Variants in QTMAN observed in about 807,000 individuals in gnomAD.
The protein encoded by QTMAN is queuosine-tRNA mannosyltransferase.
chr2:143,998,760 C>T, the QTMAN span, among the ~76,000 whole-genome samples: 3 of 152,020 alleles, frequency 2.0e-5, no homozygotes, highest in Admixed American at 1.3e-4. Flanking sequence ...TTCTTCCTAA[C>T]CATTACCACT....
At chr2:144,044,685 A>C in the QTMAN span, among the ~76,000 whole-genome samples, 1 of 152,224 alleles carries the variant, frequency 6.6e-6, no homozygotes, top group Non-Finnish European at 1.5e-5. Flanking sequence ...GCATTAGAAA[A>C]CATACCATAT....
At chr2:144,009,554 A>G in the QTMAN span, among the ~76,000 whole-genome samples, 14 of 152,098 alleles carry the variant, frequency 9.2e-5, no homozygotes, top group African/African-American at 3.4e-4. Context: ...TCTAATTTCA[A>G]ATGCCTTGAG....
the QTMAN span, among the ~76,000 whole-genome samples, chr2:144,328,311 T>C: frequency 6.6e-6 from 1 of 152,234 alleles, no homozygotes; most frequent in African/African-American, 2.4e-5. Context: ...TGTGTGATCC[T>C]ACACAGCATA....
At chr2:143,974,819 A>AT in the QTMAN span, among the ~76,000 whole-genome samples, 1 of 152,036 alleles carries the variant, frequency 6.6e-6, no homozygotes, top group Non-Finnish European at 1.5e-5. Context: ...AAATTACTAG[A>AT]TTTTTTTGCT....
the QTMAN span, among the ~76,000 whole-genome samples, chr2:144,298,297 C>T: frequency 6.6e-6 from 1 of 152,082 alleles, no homozygotes; most frequent in South Asian, 2.1e-4. Context: ...GATTTACAGG[C>T]GTGAGCCACC....
At chr2:144,142,054 G>T in the QTMAN span, 2 of 1,607,380 alleles carry the variant, frequency 1.2e-6, no homozygotes, top group Non-Finnish European at 1.7e-6. Flanking sequence ...TCAGCCACCA[G>T]GCTGTAAAGG....
At chr2:143,939,077 A>C in the QTMAN span, 1 of 152,216 alleles carries the variant, frequency 6.6e-6, no homozygotes, top group Non-Finnish European at 1.5e-5. Context: ...CCTATTTAGG[A>C]ACACTTTAAA....
chr2:144,138,701 A>G, the QTMAN span, among the ~76,000 whole-genome samples: 1 of 152,074 alleles, frequency 6.6e-6, no homozygotes, highest in South Asian at 2.1e-4. Flanking sequence ...TGGACCTGGT[A>G]GTATCAATAA....
At chr2:144,089,452 C>T in the QTMAN span, among the ~76,000 whole-genome samples, 1 of 151,862 alleles carries the variant, frequency 6.6e-6, no homozygotes, top group Non-Finnish European at 1.5e-5. Flanking sequence ...AGGTATCTAC[C>T]TAGAGTAAAA....
At chr2:144,197,788 T>C in the QTMAN span, among the ~76,000 whole-genome samples, 12 of 152,334 alleles carry the variant, frequency 7.9e-5, no homozygotes, top group Admixed American at 1.3e-4. Flanking sequence ...TAGAATCCAA[T>C]GATCATCTCC....
the QTMAN span, among the ~76,000 whole-genome samples, chr2:144,099,478 A>T: frequency 6.6e-6 from 1 of 152,228 alleles, no homozygotes; most frequent in Non-Finnish European, 1.5e-5. Flanking sequence ...TAACGAAAGG[A>T]CTAGGGTATG....
At chr2:144,177,735 T>C in the QTMAN span, among the ~76,000 whole-genome samples, 2 of 152,188 alleles carry the variant, frequency 1.3e-5, no homozygotes, top group Admixed American at 1.3e-4. Context: ...ATGTCATAGC[T>C]TGCTATCCAA....
chr2:143,979,982 T>G, the QTMAN span, among the ~76,000 whole-genome samples: 10 of 152,188 alleles, frequency 6.6e-5, no homozygotes, highest in Admixed American at 1.3e-4. Flanking sequence ...CCTCTGGAAC[T>G]AATCCATTTT....
At chr2:144,319,176 CTT>C in the QTMAN span, among the ~76,000 whole-genome samples, 2 of 152,122 alleles carry the variant, frequency 1.3e-5, no homozygotes, top group Non-Finnish European at 2.9e-5. Flanking sequence ...CAGTGTGACT[CTT>C]TACTATTGAA....
At chr2:144,182,886 TTA>T in the QTMAN span, among the ~76,000 whole-genome samples, 1,709 of 76,954 alleles carry the variant, frequency 0.022, 65 homozygotes, top group African/African-American at 0.075. Flanking sequence ...TATATATATT[TTA>T]TATATATATA....
At chr2:143,947,143 G>C in the QTMAN span, 1 of 1,592,072 alleles carries the variant, frequency 6.3e-7, no homozygotes, top group Non-Finnish European at 8.6e-7. Context: ...ACCCTGCAAC[G>C]AGGAGGAGGG....
the QTMAN span, among the ~76,000 whole-genome samples, chr2:143,960,425 C>T: frequency 6.6e-6 from 1 of 151,918 alleles, no homozygotes; most frequent in African/African-American, 2.4e-5. Context: ...GGCTACAGTC[C>T]AGGATATAAT....
chr2:143,986,060 C>A, the QTMAN span, among the ~76,000 whole-genome samples: 2 of 152,104 alleles, frequency 1.3e-5, no homozygotes, highest in Non-Finnish European at 2.9e-5. Context: ...AGTAATAAAT[C>A]CACACCAACT....
At chr2:144,088,844 A>G in the QTMAN span, among the ~76,000 whole-genome samples, 4 of 152,028 alleles carry the variant, frequency 2.6e-5, no homozygotes, top group East Asian at 1.9e-4. Flanking sequence ...AGATTTAAAC[A>G]TAAGACCTGA....
Sources: gnomAD v4.1 joint callset for allele counts (sites outside exome capture counted in the v4.1 genomes callset) on GRCh38, gnomAD v4.1.1 for gene constraint, MANE v1.5 for transcripts, NCBI Gene and HGNC (gene_info 2026-07-23, HGNC 2026-07-21) for gene names.